The following TMTC2 variants were observed in gnomAD, a reference collection of about 807,000 sequenced individuals.
TMTC2 encodes the protein transmembrane O-mannosyltransferase targeting cadherins 2.
Under a neutral mutation model 82.4 loss-of-function variants are expected in TMTC2, and 43 were observed. The ratio of observed to expected loss-of-function variants is 0.52; its 90% CI spans 0.41 to 0.67. The LOEUF (loss-of-function observed/expected upper bound fraction) is 0.67, where lower values mean the gene tolerates loss of function less well. Among genes scored for constraint, TMTC2 ranks in the 30% least tolerant of loss-of-function variants. The probability of loss-of-function intolerance (pLI) is 0.00; values close to 1 mark genes in which losing one functional copy is unlikely to be tolerated. For missense variants in TMTC2, 919 were observed against 1,012.4 expected (o/e 0.91, Z 1.25); for synonymous variants, 408 against 381.9 (o/e 1.07, Z -0.80).
At chr12:83,022,093 A>G (rs1880957300) in intron 8 of TMTC2, 1 of 100,022 alleles carries the variant, frequency 1.0e-5, no homozygotes, top group African/African-American at 3.2e-5. Flanking sequence ...AATTTTCACT[A>G]CCAAAAAAAA....
chr12:83,108,619 G>C (rs1267862476), intron 11 of TMTC2, among the ~76,000 whole-genome samples: 1 of 147,046 alleles, frequency 6.8e-6, no homozygotes, highest in Non-Finnish European at 1.5e-5. Flanking sequence ...GACAGAGCTA[G>C]ACTCCATCTC....
intron 11 of TMTC2, among the ~76,000 whole-genome samples, chr12:83,075,579 TCA>T (rs1009097096): frequency 6.6e-6 from 1 of 152,234 alleles, no homozygotes; most frequent in African/African-American, 2.4e-5. Context: ...TTAGGTTTAT[TCA>T]CACTTACCCA....
chr12:82,876,557 A>G (rs180804240), intron 2 of TMTC2, among the ~76,000 whole-genome samples: 162 of 152,310 alleles, frequency 1.1e-3, no homozygotes, highest in African/African-American at 3.7e-3. Context: ...GAAAAGCTCA[A>G]TGTGAATTTG....
chr12:82,973,681 A>G (rs1878545150), intron 7 of TMTC2, among the ~76,000 whole-genome samples: 1 of 152,248 alleles, frequency 6.6e-6, no homozygotes, highest in Admixed American at 6.5e-5. Context: ...AAAGGCTAGC[A>G]TCCAGTTCAG....
intron 1 of TMTC2, among the ~76,000 whole-genome samples, chr12:82,762,225 C>T (rs1259560484): frequency 2.0e-5 from 3 of 152,094 alleles, no homozygotes; most frequent in Non-Finnish European, 4.4e-5. Flanking sequence ...CCTCGGCCTC[C>T]CAAAGTGCTG....
At chr12:82,846,002 G>T (rs572339248) in intron 1 of TMTC2, among the ~76,000 whole-genome samples, 3 of 149,770 alleles carry the variant, frequency 2.0e-5, no homozygotes, top group African/African-American at 4.9e-5. Flanking sequence ...TTGCTTTATC[G>T]GGGGAACTAA....
intron 8 of TMTC2, among the ~76,000 whole-genome samples, chr12:83,012,280 A>C (rs73150426): frequency 0.071 from 10,768 of 152,230 alleles, 520 homozygotes; most frequent in African/African-American, 0.13. Context: ...ATGAGAGAAG[A>C]AAAAAATAAA....
At chr12:82,988,516 A>G (rs1879266673) in intron 8 of TMTC2, among the ~76,000 whole-genome samples, 1 of 152,094 alleles carries the variant, frequency 6.6e-6, no homozygotes, top group African/African-American at 2.4e-5. Flanking sequence ...CTTAAGAGGT[A>G]GAACAAGTAA....
At chr12:83,032,620 C>T (rs1199764379) in intron 9 of TMTC2, among the ~76,000 whole-genome samples, 1 of 152,178 alleles carries the variant, frequency 6.6e-6, no homozygotes, top group African/African-American at 2.4e-5. Context: ...TCTCGGCTCA[C>T]TGCAACCTCC....
At position 82,825,097 on chromosome 12, in the gene TMTC2, AG is replaced by A. The variant is rs1263086712; in HGVS notation, c.84-31912del. Among the ~76,000 whole-genome samples the A allele has an allele frequency of 5.1e-3, 763 of 150,046 alleles. 4 individuals carry two copies. The highest frequency in any genetic ancestry group is 0.018 in the African/African-American group (726 of 40,868). ...AAACAAGACTCTGACTCAAAAAAAA[AG>A]AAAAAAAAAAAAGACATACGAGCAG... On this transcript the variant is annotated intron_variant, in intron 1 of 11. Coordinates refer to ENST00000321196, the MANE Select transcript of TMTC2 (RefSeq NM_152588.3).
Position 82,900,522 on chromosome 12 carries a change from A to C in TMTC2, c.1483+3876A>C, listed in dbSNP as rs866483699. ...GTATATACATATCCGGAATATAGAT[A>C]TGTAGGAATGTATATACATATCCGG... On this transcript the variant is annotated intron_variant, in intron 3 of 11. Transcript: ENST00000321196. 4.7e-3 allele frequency among the ~76,000 whole-genome samples: 472 copies of C among 99,808 alleles called. 5 individuals carry two copies. Among genetic ancestry groups the C allele is most frequent in the African/African-American group, 0.02 (436 of 22,344 alleles). The allele number at this position is 99,808 out of a possible 152,430, so 65.5% of individuals were successfully genotyped here. A position where few individuals can be genotyped will look rare whatever the true frequency, so the allele number is the denominator to read the frequency against.
At chr12:82,840,919 A>G (rs1870298803) in intron 1 of TMTC2, among the ~76,000 whole-genome samples, 1 of 152,102 alleles carries the variant, frequency 6.6e-6, no homozygotes, top group South Asian at 2.1e-4. Context: ...AGCCGGGATT[A>G]CAGGTGCCTG....
intron 1 of TMTC2, among the ~76,000 whole-genome samples, chr12:82,826,335 AG>A (rs1212978364): frequency 1.3e-5 from 2 of 152,150 alleles, no homozygotes; most frequent in Admixed American, 6.6e-5. Flanking sequence ...TTCCTAGGTT[AG>A]AACCCACGAA....
At chr12:82,855,872 A>G (rs2137113625) in intron 1 of TMTC2, among the ~76,000 whole-genome samples, 1 of 152,342 alleles carries the variant, frequency 6.6e-6, no homozygotes, top group East Asian at 1.9e-4. Context: ...TAACCTTAAC[A>G]TGAATATAAC....
intron 7 of TMTC2, among the ~76,000 whole-genome samples, chr12:82,974,167 G>A (rs182210930): frequency 1.8e-3 from 270 of 152,160 alleles, no homozygotes; most frequent in African/African-American, 5.8e-3. Context: ...CCAGGAGTTC[G>A]AGACCAGCCT....
chr12:82,765,164 C>T lies in TMTC2; in HGVS notation c.83+77495C>T, dbSNP rs564598479. On this transcript the variant is annotated intron_variant, in intron 1 of 11. Transcript: ENST00000321196. ...CCAAAAATGGGGAGGCAGGTTTGCG[C>T]GACCCAGTTCTCGAGCTTGACATTT... Among the ~76,000 whole-genome samples, 4 of 152,200 alleles carry T rather than the reference C, an allele frequency of 2.6e-5. No individual in the cohort carries two copies. The South Asian group carries it at 6.2e-4, about 24-fold the overall frequency.
chr12:83,081,854 T>C (rs538712129), intron 11 of TMTC2, among the ~76,000 whole-genome samples: 1 of 152,060 alleles, frequency 6.6e-6, no homozygotes, highest in East Asian at 1.9e-4. Context: ...TCCTGGGCAA[T>C]GTAACAAGAC....
chr12:83,048,907 G>A (rs1257632861), intron 9 of TMTC2, among the ~76,000 whole-genome samples: 2 of 152,202 alleles, frequency 1.3e-5, no homozygotes, highest in African/African-American at 4.8e-5. Flanking sequence ...GACCTCTGGT[G>A]ATCCACCTGC....
intron 8 of TMTC2, among the ~76,000 whole-genome samples, chr12:82,998,231 T>C (rs1244101994): frequency 6.6e-6 from 1 of 152,050 alleles, no homozygotes; most frequent in Non-Finnish European, 1.5e-5. Flanking sequence ...ATTGATATGA[T>C]GGGTGGACGG....
Sources: gnomAD v4.1 joint callset for allele counts (sites outside exome capture counted in the v4.1 genomes callset) on GRCh38, gnomAD v4.1.1 for gene constraint, MANE v1.5 for transcripts, NCBI Gene and HGNC (gene_info 2026-07-23, HGNC 2026-07-21) for gene names.